Variants in SEPHS1 observed in about 807,000 individuals in gnomAD.
SEPHS1 encodes the protein zincore component SEPHS1.
A neutral mutation model predicts 39.2 loss-of-function variants in SEPHS1; 7 were observed. That is an observed-to-expected ratio of 0.18 (90% CI 0.10 to 0.34). SEPHS1 has a LOEUF of 0.34. Ranked by LOEUF, SEPHS1 falls within the 10% of genes least tolerant of loss-of-function variation. The pLI, the probability that SEPHS1 is intolerant of heterozygous loss-of-function variation, is 1.00. For synonymous variants in SEPHS1, 190 were observed against 195.5 expected, an observed-to-expected ratio of 0.97 and a Z score of 0.23; for missense variants, 253 against 514.5, an observed-to-expected ratio of 0.49 and a Z score of 4.92.
chr10:13,325,960 AAAAATAATAATAAT>A (rs1564444748), intron 7 of SEPHS1, among the ~76,000 whole-genome samples: 3 of 102,902 alleles, frequency 2.9e-5, no homozygotes, highest in Non-Finnish European at 5.7e-5. Flanking sequence ...AAAAAAAAAA[AAAAATAATAATAAT>A]AATAATAAAT....
chr10:13,322,298 C>A (rs370673996), intron 8 of SEPHS1, among the ~76,000 whole-genome samples: 76 of 151,996 alleles, frequency 5.0e-4, no homozygotes, highest in Admixed American at 1.1e-3. Flanking sequence ...TGGACCACCA[C>A]GCCCAGCTAC....
intron 8 of SEPHS1, among the ~76,000 whole-genome samples, chr10:13,319,787 C>T (rs1418739471): frequency 6.6e-6 from 1 of 152,090 alleles, no homozygotes; most frequent in Non-Finnish European, 1.5e-5. Context: ...GCCTAAGAGG[C>T]CTGTTCTATG....
At chr10:13,321,253 C>CTT (rs35387458) in intron 8 of SEPHS1, among the ~76,000 whole-genome samples, 74 of 148,724 alleles carry the variant, frequency 5.0e-4, no homozygotes, top group Non-Finnish European at 6.6e-4. Context: ...GTGTATTTTT[C>CTT]TTTTTTTTTT....
chr10:13,325,145 CAGA>C (rs957817777), intron 7 of SEPHS1, among the ~76,000 whole-genome samples: 59 of 152,210 alleles, frequency 3.9e-4, no homozygotes, highest in African/African-American at 1.3e-3. Context: ...TTTCACCGAG[CAGA>C]AGTTTTTTAT....
At chr10:13,320,014 C>T (rs1195822913) in intron 8 of SEPHS1, among the ~76,000 whole-genome samples, 10 of 152,154 alleles carry the variant, frequency 6.6e-5, no homozygotes, top group Non-Finnish European at 1.2e-4. Context: ...TCGACTCTCT[C>T]ATTTTACCGA....
chr10:13,321,029 T>G (rs1032587876), intron 8 of SEPHS1, among the ~76,000 whole-genome samples: 3 of 152,134 alleles, frequency 2.0e-5, no homozygotes, highest in Non-Finnish European at 1.5e-5. Flanking sequence ...AACGGGAGGC[T>G]GAAGCGTCCT....
intron 8 of SEPHS1, 124 bp from the exon 9 acceptor site, chr10:13,319,480 TC>T: frequency 1.0e-6 from 1 of 976,584 alleles, no homozygotes; most frequent in Non-Finnish European, 1.6e-6. Context: ...AAGTAGCTCT[TC>T]CCATTCAACT....
intron 4 of SEPHS1, among the ~76,000 whole-genome samples, chr10:13,335,223 C>G (rs1257152054): frequency 1.3e-5 from 2 of 152,224 alleles, no homozygotes; most frequent in Non-Finnish European, 1.5e-5. Flanking sequence ...GCGTGAGCCC[C>G]TGGTGGCCCT....
chr10:13,336,389 A>G, intron 3 of SEPHS1, 39 bp from the exon 4 acceptor site: 3 of 1,469,804 alleles, frequency 2.0e-6, no homozygotes, highest in Non-Finnish European at 2.9e-6. Context: ...ACGACCGGGG[A>G]CTTTCCATCT....
intron 4 of SEPHS1, among the ~76,000 whole-genome samples, chr10:13,335,739 G>T (rs1833608035): frequency 1.3e-5 from 2 of 151,910 alleles, no homozygotes; most frequent in Admixed American, 1.3e-4. Flanking sequence ...CAGCACTTTG[G>T]GATGCCGAGA....
chr10:13,348,148 G>C lies in SEPHS1; in HGVS notation c.-227C>G, dbSNP rs1190780033. 1.4e-5 allele frequency: 2 copies of C among 144,440 alleles called. No homozygotes were observed. The highest frequency in any genetic ancestry group is 5.0e-5 in the African/African-American group (2 of 40,366). The allele number at this position is 144,440 out of a possible 1,614,324, so 8.9% of individuals were successfully genotyped here. On this transcript the variant is annotated 5_prime_UTR_variant, in exon 1 of 9. Coordinates refer to ENST00000327347, the MANE Select transcript of SEPHS1 (RefSeq NM_012247.5). ...GGCGGCGGCGGGGGCCCGGGCCCGC[G>C]CCTGGGCGCCGCGGGGGCTCGCCTG...
At chr10:13,334,967 G>A (rs780803918) in intron 4 of SEPHS1, among the ~76,000 whole-genome samples, 2 of 152,178 alleles carry the variant, frequency 1.3e-5, no homozygotes, top group African/African-American at 2.4e-5. Context: ...AGGCTTGGCT[G>A]CAGGCTACGA....
chr10:13,337,204 T>A (rs1833663296), intron 3 of SEPHS1, among the ~76,000 whole-genome samples: 1 of 151,842 alleles, frequency 6.6e-6, no homozygotes, highest in Non-Finnish European at 1.5e-5. Context: ...TTCAAGGATG[T>A]ATGAGATAAA....
chr10:13,342,316 C>G (rs1833815614), intron 2 of SEPHS1, among the ~76,000 whole-genome samples: 1 of 150,682 alleles, frequency 6.6e-6, no homozygotes, highest in Non-Finnish European at 1.5e-5. Context: ...TGCGGTGGCT[C>G]ACGCCTGTAA....
intron 5 of SEPHS1, among the ~76,000 whole-genome samples, chr10:13,329,998 C>A (rs1442735032): frequency 3.3e-5 from 5 of 152,214 alleles, no homozygotes; most frequent in Non-Finnish European, 7.3e-5. Flanking sequence ...TCAGGCTGGA[C>A]ACAGTGGCTC....
chr10:13,344,404 T>A (rs1419833119), intron 2 of SEPHS1, among the ~76,000 whole-genome samples: 2 of 152,164 alleles, frequency 1.3e-5, no homozygotes, highest in African/African-American at 4.8e-5. Context: ...ACTCCATGAT[T>A]TAAAAACTGT....
Position 13,317,480 on chromosome 10 carries a change from T to C in SEPHS1, c.*1662A>G, listed in dbSNP as rs1442859519. ...CTTTATTTTGCAGACCACTGGTTTG[T>C]AGCTTTTGAGGACCAACATCTCTAT... On this transcript the variant is annotated 3_prime_UTR_variant, in exon 9 of 9. Coordinates refer to ENST00000327347, the MANE Select transcript of SEPHS1 (RefSeq NM_012247.5). The C allele has an allele frequency of 1.3e-5, 2 of 152,092 alleles. No individual in the cohort carries two copies. Among genetic ancestry groups the C allele is most frequent in the African/African-American group, 4.8e-5 (2 of 41,416 alleles). The allele number at this position is 152,092 out of a possible 1,614,324, so 9.4% of individuals were successfully genotyped here. A position where few individuals can be genotyped will look rare whatever the true frequency, so the allele number is the denominator to read the frequency against.
intron 1 of SEPHS1, among the ~76,000 whole-genome samples, chr10:13,347,512 C>G (rs1262063054): frequency 6.8e-6 from 1 of 146,176 alleles, no homozygotes; most frequent in African/African-American, 2.5e-5. Flanking sequence ...GCGGCGGGAG[C>G]CGGCGGGCAC....
chr10:13,321,299 T>C (rs1429766953), intron 8 of SEPHS1, among the ~76,000 whole-genome samples: 1 of 151,840 alleles, frequency 6.6e-6, no homozygotes, highest in Non-Finnish European at 1.5e-5. Context: ...CAGGCTGTAG[T>C]GCAGTGGGGC....
Sources: gnomAD v4.1 joint callset for allele counts (sites outside exome capture counted in the v4.1 genomes callset) on GRCh38, gnomAD v4.1.1 for gene constraint, MANE v1.5 for transcripts, NCBI Gene and HGNC (gene_info 2026-07-23, HGNC 2026-07-21) for gene names.